The following RIGI variants were observed in gnomAD, a reference collection of about 807,000 sequenced individuals.
RIGI encodes the protein antiviral innate immune response receptor RIG-I.
At chr9:32,494,414 A>G in the RIGI span, among the ~76,000 whole-genome samples, 3 of 152,166 alleles carry the variant, frequency 2.0e-5, no homozygotes, top group African/African-American at 7.2e-5. Context: ...AATTTACTTA[A>G]TATTATTCTA....
chr9:32,485,260 T>C, the RIGI span: 1 of 1,600,360 alleles, frequency 6.2e-7, no homozygotes, highest in Non-Finnish European at 8.5e-7. Flanking sequence ...CGCTAATCCG[T>C]GATTCCACTT....
chr9:32,504,038 AACACACACAC>A, the RIGI span, among the ~76,000 whole-genome samples: 28 of 135,664 alleles, frequency 2.1e-4, no homozygotes, highest in Non-Finnish European at 7.9e-5. Context: ...CAAGACTCCA[AACACACACAC>A]ACACACACAC....
chr9:32,470,682 T>C, the RIGI span, among the ~76,000 whole-genome samples: 4,874 of 152,210 alleles, frequency 0.032, 286 homozygotes, highest in African/African-American at 0.11. Context: ...TGCTTCTTCA[T>C]GAAACAGGAA....
chr9:32,459,159 T>A, the RIGI span, among the ~76,000 whole-genome samples: 1 of 152,200 alleles, frequency 6.6e-6, no homozygotes, highest in Non-Finnish European at 1.5e-5. Flanking sequence ...GTGTTTTGAT[T>A]ACAGGCATGA....
the RIGI span, chr9:32,492,400 C>T: frequency 1.2e-6 from 2 of 1,614,152 alleles, no homozygotes; most frequent in South Asian, 1.1e-5. Flanking sequence ...CCTTTCTCTA[C>T]AATCCACAGT....
chr9:32,501,063 G>C, the RIGI span: 2 of 1,233,180 alleles, frequency 1.6e-6, no homozygotes, highest in Non-Finnish European at 2.2e-6. Flanking sequence ...CACAGCATTG[G>C]AAGAATCTTT....
At chr9:32,480,114 T>G in the RIGI span, 1 of 1,321,488 alleles carries the variant, frequency 7.6e-7, no homozygotes, top group Non-Finnish European at 1.0e-6. Flanking sequence ...GACAACTCCC[T>G]AAGCATCCCC....
chr9:32,489,358 AT>A, the RIGI span: 6 of 1,611,388 alleles, frequency 3.7e-6, no homozygotes, highest in Non-Finnish European at 5.1e-6. Flanking sequence ...AGGAGCACAT[AT>A]TATTGTGTTT....
chr9:32,470,565 G>A, the RIGI span, among the ~76,000 whole-genome samples: 1 of 152,022 alleles, frequency 6.6e-6, no homozygotes, highest in Non-Finnish European at 1.5e-5. Flanking sequence ...TCATAAGCAG[G>A]CAGTGAGCCA....
At chr9:32,494,826 T>C in the RIGI span, among the ~76,000 whole-genome samples, 2 of 152,210 alleles carry the variant, frequency 1.3e-5, no homozygotes, top group Non-Finnish European at 2.9e-5. Context: ...CCTCAATGTA[T>C]GTCCATTTTG....
chr9:32,468,747 C>T, the RIGI span, among the ~76,000 whole-genome samples: 1 of 151,972 alleles, frequency 6.6e-6, no homozygotes, highest in Non-Finnish European at 1.5e-5. Context: ...CAGTGTTGGG[C>T]CTTGAACTTC....
chr9:32,487,852 A>G, the RIGI span: 1 of 1,457,358 alleles, frequency 6.9e-7, no homozygotes, highest in Non-Finnish European at 9.3e-7. Context: ...TTGGGACCTG[A>G]GAAGGACATC....
chr9:32,506,310 G>A, the RIGI span, among the ~76,000 whole-genome samples: 1 of 152,170 alleles, frequency 6.6e-6, no homozygotes, highest in African/African-American at 2.4e-5. Flanking sequence ...CTTCCAAACT[G>A]TACTAACCCT....
the RIGI span, chr9:32,481,367 G>T: frequency 6.2e-7 from 1 of 1,613,406 alleles, no homozygotes; most frequent in East Asian, 2.2e-5. Context: ...ATAAAAACAG[G>T]GCTTTACAAA....
At chr9:32,479,117 C>T in the RIGI span, among the ~76,000 whole-genome samples, 1 of 152,194 alleles carries the variant, frequency 6.6e-6, no homozygotes, top group Non-Finnish European at 1.5e-5. Context: ...AAGAACCACA[C>T]TTCTTTGTCA....
the RIGI span, among the ~76,000 whole-genome samples, chr9:32,469,473 T>G: frequency 6.6e-6 from 1 of 152,118 alleles, no homozygotes; most frequent in Non-Finnish European, 1.5e-5. Context: ...GACAGCAATC[T>G]GTAAAGGGAA....
chr9:32,498,476 A>G, the RIGI span: 2 of 411,974 alleles, frequency 4.9e-6, no homozygotes, highest in Non-Finnish European at 5.1e-6. Context: ...AATGGCCACC[A>G]TGCAGACTGC....
the RIGI span, among the ~76,000 whole-genome samples, chr9:32,474,656 T>G: frequency 4.6e-5 from 7 of 152,078 alleles, no homozygotes; most frequent in Non-Finnish European, 1.0e-4. Context: ...ATGAGAGGAG[T>G]TTGGAAGTTA....
At chr9:32,455,871 C>T in the RIGI span, 12 of 152,144 alleles carry the variant, frequency 7.9e-5, no homozygotes, top group Admixed American at 7.2e-4. Context: ...TGAAGAAAAG[C>T]CAAAGAGAAG....
Sources: allele counts gnomAD v4.1 joint callset (sites outside exome capture counted in the v4.1 genomes callset), GRCh38; gene constraint gnomAD v4.1.1; transcripts MANE v1.5; gene names NCBI Gene and HGNC (gene_info 2026-07-23, HGNC 2026-07-21).